Variants in TNRC6B observed in about 807,000 individuals in gnomAD.
TNRC6B encodes the protein trinucleotide repeat-containing gene 6B protein.
TNRC6B carries 52 observed loss-of-function variants against 203.6 expected under a neutral mutation model. The ratio of observed to expected loss-of-function variants is 0.26; its 90% CI spans 0.20 to 0.32. TNRC6B has a LOEUF of 0.32. Ranked by LOEUF, TNRC6B falls within the 10% of genes least tolerant of loss-of-function variation. The pLI is 1.00. For synonymous variants in TNRC6B, 838 were observed against 845.7 expected (o/e 0.99, Z 0.16); for missense variants, 1,923 against 2,286.2 (o/e 0.84, Z 3.24).
chr22:40,112,056 C>T (rs773681279), intron 1 of TNRC6B, among the ~76,000 whole-genome samples: 3 of 152,006 alleles, frequency 2.0e-5, no homozygotes, highest in Non-Finnish European at 4.4e-5. Context: ...ACCAAGATCG[C>T]GCCACTGCAC....
chr22:40,227,912 C>G (rs1440804743), intron 1 of TNRC6B, among the ~76,000 whole-genome samples: 1 of 152,174 alleles, frequency 6.6e-6, no homozygotes, highest in African/African-American at 2.4e-5. Context: ...GCTGTGGATT[C>G]TGGTTGATAA....
chr22:40,132,518 G>A (rs1343670707), intron 3 of TNRC6B, among the ~76,000 whole-genome samples: 1 of 151,062 alleles, frequency 6.6e-6, no homozygotes, highest in Non-Finnish European at 1.5e-5. Context: ...AGGGCGAGGG[G>A]CCTGTAGTCC....
intron 1 of TNRC6B, among the ~76,000 whole-genome samples, chr22:40,186,423 T>A (rs1257187450): frequency 1.3e-5 from 2 of 151,970 alleles, no homozygotes; most frequent in African/African-American, 4.8e-5. Flanking sequence ...TGTGTTATTT[T>A]AAATTTTCCA....
chr22:40,162,305 A>G (rs945287135), intron 4 of TNRC6B, among the ~76,000 whole-genome samples: 1 of 152,098 alleles, frequency 6.6e-6, no homozygotes, highest in Non-Finnish European at 1.5e-5. Flanking sequence ...CGTGTTAGCC[A>G]GGATGGTTTC....
At chr22:40,070,708 A>C (rs536367316) in intron 1 of TNRC6B, among the ~76,000 whole-genome samples, 1 of 152,234 alleles carries the variant, frequency 6.6e-6, no homozygotes, top group African/African-American at 2.4e-5. Flanking sequence ...ATTTTAATAA[A>C]AACTCATTTT....
chr22:40,246,158 A>T, intron 2 of TNRC6B, 56 bp downstream of exon 2: 1 of 1,349,142 alleles, frequency 7.4e-7, no homozygotes, highest in Non-Finnish European at 1.0e-6. Context: ...AGCATCCAGA[A>T]CAAGAAACTG....
rs755003894 is a variant in TNRC6B at position 40,197,534 on chromosome 22, C to A, written c.5+19394C>A. 5.3e-5 allele frequency among the ~76,000 whole-genome samples: 8 copies of A among 151,720 alleles called. 1 individual carries two copies. Among genetic ancestry groups the A allele is most frequent in the Non-Finnish European group, 1.0e-4 (7 of 67,918 alleles). ...AAACTCCTGACCTCATGATCTACCC[C>A]CCTCGGCCTCCCAAAGTGCTGAGAT... On this transcript the variant is annotated intron_variant, in intron 1 of 22. Transcript: ENST00000454349.
At chr22:40,100,902 T>A (rs1339952806) in intron 1 of TNRC6B, among the ~76,000 whole-genome samples, 1 of 152,000 alleles carries the variant, frequency 6.6e-6, no homozygotes, top group Non-Finnish European at 1.5e-5. Context: ...TTTGATAGGG[T>A]GGTTTGGAGA....
In TNRC6B at chr22:40,100,732, A is replaced by G. The variant is rs532615973; in HGVS notation, c.-120-16323A>G. 2.6e-5 allele frequency among the ~76,000 whole-genome samples: 4 copies of G among 152,294 alleles called. No homozygotes were observed. The South Asian group carries it at 8.3e-4, about 32-fold the overall frequency. On this transcript the variant is annotated intron_variant, in intron 1 of 23. Transcript: ENST00000301923. Reference sequence around the variant, plus strand: ...GACTTAAGCAACCATGGATTTTGGTATACACCAAAGGTCTGGAACCAATCT... The same window carrying G: ...GACTTAAGCAACCATGGATTTTGGTGTACACCAAAGGTCTGGAACCAATCT...
At chr22:40,260,208 T>G (rs2070356816) in intron 3 of TNRC6B, among the ~76,000 whole-genome samples, 1 of 152,086 alleles carries the variant, frequency 6.6e-6, no homozygotes, top group African/African-American at 2.4e-5. Flanking sequence ...ACACTTTTTT[T>G]TTTTTTTAAA....
intron 16 of TNRC6B, 132 bp downstream of exon 16, chr22:40,308,781 G>T: frequency 9.1e-7 from 1 of 1,098,384 alleles, no homozygotes; most frequent in Non-Finnish European, 1.3e-6. Context: ...TGTGGAGGAA[G>T]GTCAGAGTCA....
chr22:40,218,315 TTTTCTTTTC>T (rs1231122399), intron 1 of TNRC6B, among the ~76,000 whole-genome samples: 50 of 124,474 alleles, frequency 4.0e-4, no homozygotes, highest in Middle Eastern at 4.2e-3. Flanking sequence ...TTTTTTTCTT[TTTTCTTTTC>T]TTTTTTTTTT....
chr22:40,089,296 G>C (rs1161714786), intron 1 of TNRC6B, among the ~76,000 whole-genome samples: 1 of 151,740 alleles, frequency 6.6e-6, no homozygotes, highest in East Asian at 1.9e-4. Flanking sequence ...GCATTGGTGT[G>C]ATCTTGGCTC....
intron 21 of TNRC6B, 43 bp from the exon 22 acceptor site, chr22:40,321,047 C>T (rs2071327946): frequency 1.2e-6 from 2 of 1,607,068 alleles, no homozygotes; most frequent in Non-Finnish European, 1.7e-6. Flanking sequence ...ACCTTTTCCA[C>T]CCCACCTCCA....
At chr22:40,086,530 C>G (rs1461081272) in intron 1 of TNRC6B, among the ~76,000 whole-genome samples, 1 of 152,140 alleles carries the variant, frequency 6.6e-6, no homozygotes, top group African/African-American at 2.4e-5. Flanking sequence ...CATCTTCTGT[C>G]TCAGCCCTCA....
At chr22:40,161,774 A>C (rs1335221536) in intron 4 of TNRC6B, among the ~76,000 whole-genome samples, 1 of 152,200 alleles carries the variant, frequency 6.6e-6, no homozygotes, top group Non-Finnish European at 1.5e-5. Context: ...AGTCTATCTA[A>C]TGTAATCATT....
chr22:40,136,297 T>C (rs1304671380), intron 3 of TNRC6B, among the ~76,000 whole-genome samples: 1 of 152,074 alleles, frequency 6.6e-6, no homozygotes, highest in African/African-American at 2.4e-5. Context: ...AAAACAGATA[T>C]AGTAAAATTT....
intron 4 of TNRC6B, among the ~76,000 whole-genome samples, chr22:40,166,271 ATATT>A (rs1367669691): frequency 2.6e-5 from 4 of 152,220 alleles, no homozygotes; most frequent in South Asian, 2.1e-4. Context: ...TCAAAAGTGA[ATATT>A]TATTTACAAA....
rs566407554 is a variant in TNRC6B at position 40,327,666 on chromosome 22, G to A, written c.*4425G>A. On this transcript the variant is annotated 3_prime_UTR_variant, in exon 23 of 23. Transcript: ENST00000454349. ...CATGGAAGAGAAGAGCTCTTTCCGT[G>A]GTATTCTTTGGCAAGAGCCATGTCT... is the stretch of plus-strand genomic sequence containing the variant. 6.6e-6 allele frequency: 1 copy of A among 152,238 alleles called. No individual in the cohort carries two copies. Among genetic ancestry groups the A allele is most frequent in the African/African-American group, 2.4e-5 (1 of 41,536 alleles). 9.4% of individuals were successfully genotyped at this position (152,238 alleles called of 1,614,324 possible). A position where few individuals can be genotyped will look rare whatever the true frequency, so the allele number is the denominator to read the frequency against.
Sources: gnomAD v4.1 joint callset for allele counts (sites outside exome capture counted in the v4.1 genomes callset) on GRCh38, gnomAD v4.1.1 for gene constraint, MANE v1.5 for transcripts, NCBI Gene and HGNC (gene_info 2026-07-23, HGNC 2026-07-21) for gene names.